TRAPPC9: variants seen among roughly 807,000 people sequenced by gnomAD.
TRAPPC9 encodes IKK2 binding protein.
Under a neutral mutation model 124.0 loss-of-function variants are expected in TRAPPC9, and 83 were observed. The ratio of observed to expected loss-of-function variants is 0.67; its 90% CI spans 0.56 to 0.80. The LOEUF (loss-of-function observed/expected upper bound fraction) is 0.80. Ranked by LOEUF, TRAPPC9 falls within the 30% of genes least tolerant of loss-of-function variation. The pLI is 0.00. For synonymous variants in TRAPPC9, 638 were observed against 617.5 expected, an observed-to-expected ratio of 1.03 and a Z score of -0.49; for missense variants, 1,302 against 1,508.3, an observed-to-expected ratio of 0.86 and a Z score of 2.27.
At chr8:140,344,730 A>C (rs1213334953) in intron 9 of TRAPPC9, among the ~76,000 whole-genome samples, 1 of 152,268 alleles carries the variant, frequency 6.6e-6, no homozygotes, top group East Asian at 1.9e-4. Context: ...GCTGGTGCTG[A>C]GTGAATGTGC....
intron 9 of TRAPPC9, among the ~76,000 whole-genome samples, chr8:140,334,658 TAAA>T (rs2066988636): frequency 6.7e-6 from 1 of 148,176 alleles, no homozygotes; most frequent in South Asian, 2.1e-4. Context: ...ACTAAATAAA[TAAA>T]TAAATAAATA....
rs73714849 is a variant in TRAPPC9, at chr8:140,275,383, G to A, written c.2278+275C>T. Among the ~76,000 whole-genome samples the A allele has an allele frequency of 0.041, 6,233 of 152,222 alleles. 173 individuals are homozygous for A. The highest frequency in any genetic ancestry group is 0.069 in the African/African-American group (2,853 of 41,536). Reference sequence around the variant, plus strand: ...TGATGGATGCTGAGGTCTGGGAAAGGGCACTGGGGGTACAGAGGTGTGTGC... The same window carrying A: ...TGATGGATGCTGAGGTCTGGGAAAGAGCACTGGGGGTACAGAGGTGTGTGC... On this transcript the variant is annotated intron_variant, in intron 15 of 22. Coordinates refer to ENST00000438773, the MANE Select transcript of TRAPPC9 (RefSeq NM_001160372.4).
intron 21 of TRAPPC9, among the ~76,000 whole-genome samples, chr8:139,840,531 T>C (rs1826657182): frequency 6.6e-6 from 1 of 152,134 alleles, no homozygotes; most frequent in African/African-American, 2.4e-5. Flanking sequence ...ACGACTCAAA[T>C]TGGAGGTCGG....
At chr8:139,864,627 T>C (rs1192564183) in intron 21 of TRAPPC9, among the ~76,000 whole-genome samples, 1 of 152,104 alleles carries the variant, frequency 6.6e-6, no homozygotes, top group Admixed American at 6.5e-5. Context: ...GACAGTAGCA[T>C]ACCTGCTCCA....
chr8:139,754,961 G>A lies in TRAPPC9; in HGVS notation c.3056-22759C>T, dbSNP rs148576275. On this transcript the variant is annotated intron_variant, in intron 21 of 22. Transcript: ENST00000438773. ...ACCAGGGAAACCCCAGGAGCTGTGC[G>A]GCACACGGAGCTGTCACTGCCAGGG... is the stretch of plus-strand genomic sequence containing the variant. 1.6e-3 allele frequency among the ~76,000 whole-genome samples: 246 copies of A among 152,368 alleles called. 7 individuals carry two copies. In the East Asian group the frequency reaches 0.04, roughly 25 times the overall value.
chr8:139,996,916 A>G (rs1258937726), intron 18 of TRAPPC9, among the ~76,000 whole-genome samples: 2 of 151,978 alleles, frequency 1.3e-5, no homozygotes, highest in Non-Finnish European at 2.9e-5. Flanking sequence ...AACATTTTTT[A>G]TGGTATTTTT....
chr8:139,738,524 C>T (rs1467764406), intron 21 of TRAPPC9, among the ~76,000 whole-genome samples: 1 of 152,202 alleles, frequency 6.6e-6, no homozygotes, highest in Non-Finnish European at 1.5e-5. Flanking sequence ...GAGAGGGGCA[C>T]ACTTCGCTGC....
intron 17 of TRAPPC9, among the ~76,000 whole-genome samples, chr8:140,114,760 C>T (rs1161961948): frequency 1.3e-5 from 2 of 151,884 alleles, no homozygotes; most frequent in South Asian, 4.2e-4. Context: ...AAAGCCTCCT[C>T]GGAAACAGAA....
chr8:140,132,228 G>C (rs1287287897), intron 17 of TRAPPC9, among the ~76,000 whole-genome samples: 1 of 152,174 alleles, frequency 6.6e-6, no homozygotes, highest in Non-Finnish European at 1.5e-5. Context: ...AAAGGCTGCA[G>C]AAGTTGGTGC....
chr8:139,807,879 G>C lies in TRAPPC9; in HGVS notation c.3056-75677C>G, dbSNP rs182464464. 3.5e-3 allele frequency among the ~76,000 whole-genome samples: 538 copies of C among 152,312 alleles called. 2 individuals carry two copies. Among genetic ancestry groups the C allele is most frequent in the African/African-American group, 0.012 (500 of 41,568 alleles). ...GGCACCGGCTGGGTGGGTTCTGGAG[G>C]TAGGGATGAGCTCTGGCTGTGCCTT... On this transcript the variant is annotated intron_variant, in intron 21 of 22. Coordinates refer to ENST00000438773, the MANE Select transcript of TRAPPC9 (RefSeq NM_001160372.4).
At chr8:139,976,803 G>C (rs1179732492) in intron 19 of TRAPPC9, among the ~76,000 whole-genome samples, 1 of 152,240 alleles carries the variant, frequency 6.6e-6, no homozygotes, top group Non-Finnish European at 1.5e-5. Context: ...ACTGGCACCA[G>C]AGTCACTTAC....
chr8:140,265,496 G>A lies in TRAPPC9; in HGVS notation c.2278+10162C>T, dbSNP rs140278533. ...CTATGGAAAGCTGAATAGCTTGGTC[G>A]TCCGATTTAATATGTGTTTGCACCT... On this transcript the variant is annotated intron_variant, in intron 15 of 22. Transcript: ENST00000438773. Among the ~76,000 whole-genome samples, 501 of 152,256 alleles carry A rather than the reference G, an allele frequency of 3.3e-3. 3 individuals carry two copies. The highest frequency in any genetic ancestry group is 0.011 in the African/African-American group (468 of 41,542).
At chr8:139,817,915 C>T (rs1824967852) in intron 21 of TRAPPC9, among the ~76,000 whole-genome samples, 1 of 152,168 alleles carries the variant, frequency 6.6e-6, no homozygotes, top group South Asian at 2.1e-4. Context: ...AAAGCCATAC[C>T]GAGATCCCCA....
chr8:139,979,747 GA>G (rs199733704), intron 19 of TRAPPC9, among the ~76,000 whole-genome samples: 2 of 152,122 alleles, frequency 1.3e-5, no homozygotes, highest in Non-Finnish European at 2.9e-5. Flanking sequence ...CAAGGCTGGG[GA>G]ACCAAGAGAC....
intron 8 of TRAPPC9, among the ~76,000 whole-genome samples, chr8:140,366,628 T>C (rs2068116630): frequency 6.6e-6 from 1 of 152,098 alleles, no homozygotes; most frequent in South Asian, 2.1e-4. Flanking sequence ...CTCCCAGAAG[T>C]TAACACAAGA....
intron 17 of TRAPPC9, among the ~76,000 whole-genome samples, chr8:140,129,416 C>T (rs2061163179): frequency 6.6e-6 from 1 of 152,098 alleles, no homozygotes; most frequent in African/African-American, 2.4e-5. Flanking sequence ...CCCAAACAGG[C>T]CATGTGAAGA....
At chr8:140,451,706 C>T (rs752984271) in intron 1 of TRAPPC9, among the ~76,000 whole-genome samples, 3 of 152,166 alleles carry the variant, frequency 2.0e-5, no homozygotes, top group Non-Finnish European at 4.4e-5. Flanking sequence ...TGAATAAACA[C>T]GTGTGTAATT....
intron 7 of TRAPPC9, among the ~76,000 whole-genome samples, chr8:140,389,268 G>T (rs2068853535): frequency 6.6e-6 from 1 of 151,998 alleles, no homozygotes. Flanking sequence ...TGTCCTTTTA[G>T]GTAAAGGGCA....
At chr8:139,816,859 C>G (rs763484524) in intron 21 of TRAPPC9, among the ~76,000 whole-genome samples, 1 of 152,054 alleles carries the variant, frequency 6.6e-6, no homozygotes, top group Admixed American at 6.6e-5. Flanking sequence ...ACCAAACTCA[C>G]GGCCCGCCCT....
Sources: allele counts gnomAD v4.1 joint callset (sites outside exome capture counted in the v4.1 genomes callset), GRCh38; gene constraint gnomAD v4.1.1; transcripts MANE v1.5; gene names NCBI Gene and HGNC (gene_info 2026-07-23, HGNC 2026-07-21).